The following USP35 variants were observed in gnomAD, a reference collection of about 807,000 sequenced individuals.
The protein encoded by USP35 is ubiquitin specific peptidase 35.
A neutral mutation model predicts 83.8 loss-of-function variants in USP35; 69 were observed. The ratio of observed to expected loss-of-function variants is 0.82; its 90% confidence interval spans 0.68 to 1.01. The LOEUF (loss-of-function observed/expected upper bound fraction) is 1.01, where lower values mean the gene tolerates loss of function less well. Ranked by LOEUF, USP35 falls within the 50% of genes least tolerant of loss-of-function variation. The probability of loss-of-function intolerance (pLI) is 0.00; values close to 1 mark genes in which losing one functional copy is unlikely to be tolerated. For synonymous variants in USP35, 714 were observed against 589.5 expected (o/e 1.21, Z -3.06); for missense variants, 1,503 against 1,362.5 (o/e 1.10, Z -1.62).
the USP35 span, among the ~76,000 whole-genome samples, chr11:78,222,625 C>G: frequency 6.6e-6 from 1 of 151,710 alleles, no homozygotes; most frequent in African/African-American, 2.4e-5. Flanking sequence ...CTCTGTTGCT[C>G]AGGCTGGAGT....
chr11:78,230,092 G>A, the USP35 span, among the ~76,000 whole-genome samples: 2 of 152,168 alleles, frequency 1.3e-5, no homozygotes, highest in Admixed American at 6.5e-5. Context: ...TCTCTCCTTA[G>A]CACCTAGGTT....
chr11:78,213,605 G>T lies in USP35; in HGVS notation c.2890-41G>T, dbSNP rs562032824. On this transcript the variant is annotated intron_variant, in intron 10 of 10. Transcript: ENST00000529308. ...GGTAGACTCACTCTGGCTTCAGGGT[G>T]TGAATTCTAAGTCTAAGTCTCCTCT... 86 of 1,438,322 alleles carry T rather than the reference G, an allele frequency of 6.0e-5. 2 individuals are homozygous for T. In the South Asian group the frequency reaches 1.2e-3, roughly 21 times the overall value. The allele number at this position is 1,438,322 out of a possible 1,614,324, so 89.1% of individuals were successfully genotyped here. A position where few individuals can be genotyped will look rare whatever the true frequency, so the allele number is the denominator to read the frequency against.
At chr11:78,220,294 GC>G in the USP35 span, 4 of 1,610,334 alleles carry the variant, frequency 2.5e-6, no homozygotes, top group Non-Finnish European at 2.5e-6. Context: ...AGCTCTTACT[GC>G]CCCCCCAACT....
At chr11:78,193,427 C>T (rs1378976434) in intron 1 of USP35, among the ~76,000 whole-genome samples, 1 of 149,454 alleles carries the variant, frequency 6.7e-6, no homozygotes, top group Non-Finnish European at 1.5e-5. Context: ...CTGGTCTCAA[C>T]CTCCTGAGCT....
chr11:78,197,438 T>G (rs998197627), intron 2 of USP35, among the ~76,000 whole-genome samples: 5 of 152,048 alleles, frequency 3.3e-5, no homozygotes, highest in African/African-American at 1.2e-4. Flanking sequence ...TTGACAACAG[T>G]GGAACTTAGA....
chr11:78,206,190 C>T (rs938551306), intron 7 of USP35, among the ~76,000 whole-genome samples, 155 bp downstream of exon 7: 1 of 152,214 alleles, frequency 6.6e-6, no homozygotes, highest in African/African-American at 2.4e-5. Flanking sequence ...GACAGAGAGC[C>T]TCAGGCCATT....
the USP35 span, among the ~76,000 whole-genome samples, chr11:78,235,111 T>C: frequency 3.9e-5 from 6 of 152,156 alleles, no homozygotes; most frequent in Admixed American, 3.3e-4. Flanking sequence ...TTGCTACTTA[T>C]GCAAATTTCT....
chr11:78,220,193 G>A (rs569079543), downstream of USP35: 3 of 927,642 alleles, frequency 3.2e-6, no homozygotes, highest in African/African-American at 3.3e-5. Context: ...CATCATAAAA[G>A]CTGGGTACTG....
chr11:78,221,561 A>C, the USP35 span: 31 of 558,878 alleles, frequency 5.5e-5, no homozygotes, highest in Non-Finnish European at 9.9e-5. Context: ...TAAATCATGA[A>C]TAATACAAGG....
In USP35 at chr11:78,210,235, G is replaced by T. The variant is rs1185374214; in HGVS notation, c.2380G>T (p.Val794Leu). The T allele has an allele frequency of 2.0e-5, 33 of 1,613,960 alleles. No individual in the cohort carries two copies. Among genetic ancestry groups the T allele is most frequent in the Non-Finnish European group, 2.5e-5 (30 of 1,180,036 alleles). The change falls in exon 10 of 11, where the codon GTG (valine) becomes TTG (leucine). Residue 794 changes from valine (V) to leucine (L), a missense_variant. By Grantham distance (32) the Val-to-Leu change is conservative. Transcript: ENST00000529308. ...SCASLQDAEK[V>L]VELSQGPCYL... Reference sequence around the variant, plus strand: ...TGCCTCCCTGCAGGATGCCGAGAAGGTGGTGGAGCTGAGCCAAGGGCCGTG... The same window carrying T: ...TGCCTCCCTGCAGGATGCCGAGAAGTTGGTGGAGCTGAGCCAAGGGCCGTG...
chr11:78,204,838 GAGGTGAATGAGCAA>G (rs1863485620), intron 6 of USP35, among the ~76,000 whole-genome samples: 1 of 152,230 alleles, frequency 6.6e-6, no homozygotes, highest in African/African-American at 2.4e-5. Flanking sequence ...ATGATCCTGG[GAGGTGAATGAGCAA>G]AAGTGTTAAA....
chr11:78,204,525 CCTT>C (rs1863476199), intron 6 of USP35, among the ~76,000 whole-genome samples: 1 of 152,190 alleles, frequency 6.6e-6, no homozygotes, highest in South Asian at 2.1e-4. Context: ...AACAAAGTTA[CCTT>C]CTTTGGGAAT....
At position 78,210,170 on chromosome 11, in the gene USP35, A is replaced by G. The variant is rs1863701202; in HGVS notation, c.2315A>G (p.Glu772Gly). Residue 772 changes from glutamate (E) to glycine (G), a missense_variant, in exon 10 of 11, where the codon GAG (glutamate) becomes GGG (glycine). Physicochemically the swap from Glu to Gly is moderately conservative, Grantham distance 98. Coordinates refer to ENST00000529308, the MANE Select transcript of USP35 (RefSeq NM_020798.4). ...CTGGTTAACTACTTCCTGTCCCCCG[A>G]GAAGCTGACAGCAGAAAACCGCTAC... ...LDLVNYFLSP[E>G]KLTAENRYYC... is the part of the protein sequence containing the mutation. 1 of 1,613,690 alleles carries G rather than the reference A, an allele frequency of 6.2e-7. No homozygotes were observed. The highest frequency in any genetic ancestry group is 8.5e-7 in the Non-Finnish European group (1 of 1,179,892).
chr11:78,194,197 T>C (rs1393154619), intron 1 of USP35, among the ~76,000 whole-genome samples: 3 of 150,574 alleles, frequency 2.0e-5, no homozygotes, highest in African/African-American at 5.0e-5. Flanking sequence ...AGCCACAGAC[T>C]AATAAACCCT....
chr11:78,210,229 GAGA>G lies in USP35; in HGVS notation c.2377_2379del (p.Lys793del). On this transcript the variant is annotated inframe_deletion, in exon 10 of 11. Transcript: ENST00000529308. ...GTCGTGTGCCTCCCTGCAGGATGCC[GAGA>G]AGGTGGTGGAGCTGAGCCAAGGGCC... The G allele has an allele frequency of 1.2e-6, 2 of 1,614,048 alleles. No homozygotes were observed. Among genetic ancestry groups the G allele is most frequent in the Non-Finnish European group, 1.7e-6 (2 of 1,180,030 alleles).
At chr11:78,213,569 GT>G (rs1863895806) in intron 10 of USP35, 76 bp from the exon 11 acceptor site, 1 of 1,400,666 alleles carries the variant, frequency 7.1e-7, no homozygotes, top group South Asian at 1.8e-5. Flanking sequence ...ACATTGAAAG[GT>G]GTTGTGCTGG....
the USP35 span, among the ~76,000 whole-genome samples, chr11:78,234,965 A>T: frequency 2.6e-5 from 4 of 151,928 alleles, no homozygotes; most frequent in Non-Finnish European, 5.9e-5. Flanking sequence ...AGCTGAGATC[A>T]TGCCACTGCA....
At chr11:78,227,083 G>T in the USP35 span, 1 of 1,424,090 alleles carries the variant, frequency 7.0e-7, no homozygotes, top group East Asian at 2.3e-5. Context: ...GGGCAGGAGG[G>T]TGAGACAATT....
chr11:78,204,700 A>G (rs1863481114), intron 6 of USP35, among the ~76,000 whole-genome samples: 1 of 152,218 alleles, frequency 6.6e-6, no homozygotes, highest in East Asian at 1.9e-4. Flanking sequence ...AACAGAAAAA[A>G]GAAGGGACGA....
Sources: gnomAD v4.1 joint callset for allele counts (sites outside exome capture counted in the v4.1 genomes callset) on GRCh38, gnomAD v4.1.1 for gene constraint, MANE v1.5 for transcripts, NCBI Gene and HGNC (gene_info 2026-07-23, HGNC 2026-07-21) for gene names.